U2SURP: variants seen among roughly 807,000 people sequenced by gnomAD.
U2SURP encodes the protein U2 snRNP associated SURP domain containing.
In U2SURP, 9 loss-of-function variants were observed where a neutral mutation model predicts 144.9. The ratio of observed to expected loss-of-function variants is 0.06; its 90% CI spans 0.04 to 0.11. U2SURP has a LOEUF of 0.11. U2SURP is among the 10% of genes least tolerant of loss of function. The probability of loss-of-function intolerance (pLI) is 1.00; values close to 1 mark genes in which losing one functional copy is unlikely to be tolerated. For synonymous variants in U2SURP, 408 were observed against 396.8 expected (o/e 1.03, Z -0.33); for missense variants, 724 against 1,226.7 (o/e 0.59, Z 6.12).
intron 1 of U2SURP, among the ~76,000 whole-genome samples, chr3:143,004,018 A>G (rs879940340): frequency 5.3e-4 from 80 of 152,034 alleles, no homozygotes; most frequent in Admixed American, 1.1e-3. Flanking sequence ...TTTCTAACAC[A>G]TAATTTATTA....
intron 24 of U2SURP, among the ~76,000 whole-genome samples, chr3:143,048,024 A>G (rs1934633114): frequency 6.6e-6 from 1 of 152,164 alleles, no homozygotes. Flanking sequence ...GGAAGAGTAG[A>G]ATAGTGGGTG....
At chr3:143,021,980 A>G (rs1319389046) in intron 10 of U2SURP, among the ~76,000 whole-genome samples, 1 of 152,214 alleles carries the variant, frequency 6.6e-6, no homozygotes, top group African/African-American at 2.4e-5. Flanking sequence ...TAGTAACGGT[A>G]GTATATAATA....
chr3:143,026,451 A>G (rs6440129), intron 13 of U2SURP: 102,717 of 151,968 alleles, frequency 0.68, 34,914 homozygotes, highest in African/African-American at 0.75. Flanking sequence ...AGGCATATCA[A>G]TCTCTTGTTT....
chr3:143,044,289 C>CT (rs56916268), intron 24 of U2SURP, among the ~76,000 whole-genome samples: 14 of 81,376 alleles, frequency 1.7e-4, no homozygotes, highest in East Asian at 1.2e-3. Context: ...CTCCCCTCTC[C>CT]TTTTTTTTTT....
Position 143,026,932 on chromosome 3 carries a change from C to T in U2SURP, c.1275-217C>T, listed in dbSNP as rs1578137012. On this transcript the variant is annotated intron_variant, in intron 13 of 27. Coordinates refer to ENST00000473835, the MANE Select transcript of U2SURP (RefSeq NM_001080415.2). Reference sequence around the variant, plus strand: ...TGTATTGTGGTTTCCTACCCTCCCTCACCTTTCCATCCCCTCCCACTTCCC... The same window carrying T: ...TGTATTGTGGTTTCCTACCCTCCCTTACCTTTCCATCCCCTCCCACTTCCC... 10 of 403,898 alleles carry T rather than the reference C, an allele frequency of 2.5e-5. No homozygotes were observed. In the East Asian group the frequency reaches 3.1e-4, roughly 12 times the overall value. 25.0% of individuals were successfully genotyped at this position (403,898 alleles called of 1,614,324 possible). A position where few individuals can be genotyped will look rare whatever the true frequency, so the allele number is the denominator to read the frequency against.
At chr3:143,011,004 CTT>C (rs78844477) in intron 2 of U2SURP, 145 bp downstream of exon 2, 906 of 442,110 alleles carry the variant, frequency 2.0e-3, no homozygotes, top group South Asian at 3.5e-3. Context: ...AGGCGCCTTC[CTT>C]TTTTTTTTTT....
At chr3:143,014,239 T>C in intron 3 of U2SURP, 72 bp from the exon 4 acceptor site, 1 of 942,130 alleles carries the variant, frequency 1.1e-6, no homozygotes. Flanking sequence ...GACTTAGTTA[T>C]CAGTTGATGT....
chr3:143,054,979 C>T lies in U2SURP; in HGVS notation c.2811C>T (p.Arg937=), dbSNP rs755140197. 1 of 1,609,648 alleles carries T rather than the reference C, an allele frequency of 6.2e-7. No individual in the cohort carries two copies. The highest frequency in any genetic ancestry group is 8.5e-7 in the Non-Finnish European group (1 of 1,178,218). The change falls in exon 27 of 28, where the codon CGC becomes CGT. Residue 937 remains arginine, a synonymous_variant. Transcript: ENST00000473835. Reference sequence around the variant, plus strand: ...ACAGTACATCCCCCAGCCCATCTCGCAGTAGCAGTGGTAGACGAGTGAAAT... The same window carrying T: ...ACAGTACATCCCCCAGCCCATCTCGTAGTAGCAGTGGTAGACGAGTGAAAT... ...RRHSTSPSPS[R]SSSGRRVKSP...
At chr3:143,007,283 CTTTTCTTTTT>C (rs896206411) in intron 1 of U2SURP, among the ~76,000 whole-genome samples, 5 of 151,194 alleles carry the variant, frequency 3.3e-5, no homozygotes, top group Admixed American at 1.3e-4. Flanking sequence ...TTTTTCTTTT[CTTTTCTTTTT>C]TTTTTTTTCC....
chr3:143,027,293 A>C (rs760320173), intron 14 of U2SURP, 40 bp downstream of exon 14: 2 of 1,513,414 alleles, frequency 1.3e-6, no homozygotes, highest in African/African-American at 1.4e-5. Context: ...ATGTAACATA[A>C]AATTTCCCAT....
Position 143,019,972 on chromosome 3 carries a change from C to A in U2SURP, c.574C>A (p.Leu192Ile). The A allele has an allele frequency of 6.6e-7, 1 of 1,505,072 alleles. No individual in the cohort carries two copies. The highest frequency in any genetic ancestry group is 1.4e-5 in the African/African-American group (1 of 71,236). The allele number at this position is 1,505,072 out of a possible 1,614,324, so 93.2% of individuals were successfully genotyped here. ...LLVIETKKPP[L>I]KKGEKEKKKS... ...TAACTTGTCATATCCTTTATAGCCA[C>A]TTAAAAAAGGAGAGAAAGAAAAGAA... The change falls in exon 7 of 28, where the codon CTT becomes ATT. Residue 192 changes from leucine (L) to isoleucine (I), a missense_variant. Physicochemically the swap from Leu to Ile is conservative, Grantham distance 5. Transcript: ENST00000473835.
In U2SURP at chr3:143,012,286, A is replaced by G; in HGVS notation, c.155A>G (p.Lys52Arg). ...CGGACACGACCTAAGAGCCCAAGAAAACATAATTATAGGAATGAAAGTGCC... is the reference window on the plus strand; with the variant it reads ...CGGACACGACCTAAGAGCCCAAGAAGACATAATTATAGGAATGAAAGTGCC... Reference protein sequence around the residue: ...PSRTRPKSPRKHNYRNESARE... With the variant: ...PSRTRPKSPRRHNYRNESARE... Residue 52 changes from lysine (K) to arginine (R), a missense_variant, in exon 3 of 28, where the codon AAA (lysine) becomes AGA (arginine). Lys to Arg is a conservative substitution (Grantham distance 26, BLOSUM62 2). Around this residue, in one of 13 missense-constraint regions of U2SURP, gnomAD observed 127 missense variants for 98.2 expected, o/e 1.29. Coordinates refer to ENST00000473835, the MANE Select transcript of U2SURP (RefSeq NM_001080415.2). 4 of 1,613,518 alleles carry G rather than the reference A, an allele frequency of 2.5e-6. No individual in the cohort carries two copies. The highest frequency in any genetic ancestry group is 3.4e-6 in the Non-Finnish European group (4 of 1,179,564).
intron 24 of U2SURP, among the ~76,000 whole-genome samples, chr3:143,049,691 CT>C (rs1934746560): frequency 6.6e-6 from 1 of 152,082 alleles, no homozygotes; most frequent in African/African-American, 2.4e-5. Flanking sequence ...TCCTTTAAGC[CT>C]TAGGATAGTT....
chr3:143,044,289 C>CTTTTTTTTTTTTTTTTTTTTT lies in U2SURP; in HGVS notation c.2544+1030_2544+1031insTTTTTTTTTTTTTTTTTTTTT, dbSNP rs56916268. 2.6e-4 allele frequency among the ~76,000 whole-genome samples: 21 copies of CTTTTTTTTTTTTTTTTTTTTT among 81,372 alleles called. 3 individuals carry two copies. The highest frequency in any genetic ancestry group is 1.1e-3 in the African/African-American group (19 of 17,294). The allele number at this position is 81,372 out of a possible 152,430, so 53.4% of individuals were successfully genotyped here. ...TTTCCCTTTTCCCCTCTCCCCTCTC[C>CTTTTTTTTTTTTTTTTTTTTT]TTTTTTTTTTTTTTTTTGAGACGGG... On this transcript the variant is annotated intron_variant, in intron 24 of 27. Transcript: ENST00000473835.
At chr3:143,056,005 C>T (rs1935130781) in intron 27 of U2SURP, among the ~76,000 whole-genome samples, 1 of 152,056 alleles carries the variant, frequency 6.6e-6, no homozygotes, top group Non-Finnish European at 1.5e-5. Context: ...ACTTATGGAG[C>T]TTGTTAAAAA....
chr3:143,038,341 A>G (rs1335774730), intron 22 of U2SURP, 138 bp downstream of exon 22: 2 of 636,806 alleles, frequency 3.1e-6, no homozygotes, highest in African/African-American at 3.8e-5. Flanking sequence ...TTTTGTGTCT[A>G]ATGTATGCTT....
chr3:143,050,626 C>G (rs773449859), intron 24 of U2SURP, among the ~76,000 whole-genome samples: 1 of 152,122 alleles, frequency 6.6e-6, no homozygotes, highest in Non-Finnish European at 1.5e-5. Context: ...GTGTGCGTGT[C>G]TTTAGCAACC....
At chr3:143,004,349 G>C (rs113370241) in intron 1 of U2SURP, among the ~76,000 whole-genome samples, 1 of 131,692 alleles carries the variant, frequency 7.6e-6, no homozygotes, top group Non-Finnish European at 1.5e-5. Flanking sequence ...CTTCTAGTTG[G>C]GGTGTTTTTT....
intron 2 of U2SURP, 80 bp from the exon 3 acceptor site, chr3:143,012,142 A>G (rs1936145373): frequency 1.5e-5 from 22 of 1,505,810 alleles, no homozygotes; most frequent in Non-Finnish European, 1.8e-5. Context: ...AATATCTGGC[A>G]TGGCTTATTC....
Sources: allele counts gnomAD v4.1 joint callset (sites outside exome capture counted in the v4.1 genomes callset), GRCh38; gene constraint gnomAD v4.1.1; regional missense constraint gnomAD v4.1.1; transcripts MANE v1.5; gene names NCBI Gene and HGNC (gene_info 2026-07-23, HGNC 2026-07-21).